The following SFI1 variants were observed in gnomAD, a reference collection of about 807,000 sequenced individuals.
The protein encoded by SFI1 is SFI1 centrin binding protein.
SFI1 carries 195 observed loss-of-function variants against 207.5 expected under a neutral mutation model. The observed-to-expected ratio is 0.94, with a 90% confidence interval of 0.84 to 1.06. SFI1 has a LOEUF of 1.06. Among genes scored for constraint, SFI1 ranks in the 50% least tolerant of loss-of-function variants. SFI1 has a pLI of 0.00. For synonymous variants in SFI1, 630 were observed against 598.9 expected (o/e 1.05, Z -0.76); for missense variants, 1,634 against 1,588.0 (o/e 1.03, Z -0.49).
At chr22:31,523,098 C>T (rs546338166) in intron 2 of SFI1, among the ~76,000 whole-genome samples, 6 of 152,206 alleles carry the variant, frequency 3.9e-5, no homozygotes, top group Non-Finnish European at 8.8e-5. Flanking sequence ...ACAAGTTTTT[C>T]TGTGGACATA....
intron 1 of SFI1, 87 bp from the exon 2 acceptor site, chr22:31,508,168 G>A: frequency 1.4e-6 from 1 of 736,132 alleles, no homozygotes. Context: ...GAGAGCAGGA[G>A]ACTAGGAGCT....
At chr22:31,602,068 G>T in intron 15 of SFI1, 144 bp from the exon 16 acceptor site, 1 of 698,172 alleles carries the variant, frequency 1.4e-6, no homozygotes, top group Non-Finnish European at 2.5e-6. Context: ...TGCAGACATG[G>T]GCCACTGTGC....
intron 12 of SFI1, 36 bp downstream of exon 12, chr22:31,580,400 G>A: frequency 6.5e-7 from 1 of 1,540,538 alleles, no homozygotes; most frequent in Non-Finnish European, 9.0e-7. Context: ...GACCTCTTCT[G>A]AAGGCCATTC....
At chr22:31,599,274 A>C (rs1191674860) in intron 15 of SFI1, among the ~76,000 whole-genome samples, 2 of 152,028 alleles carry the variant, frequency 1.3e-5, no homozygotes, top group African/African-American at 4.8e-5. Context: ...CGTAGGAGTC[A>C]AGGTTTATTT....
At position 31,530,171 on chromosome 22, in the gene SFI1, CAAAAAAAAA is replaced by C. The variant is rs1162482504; in HGVS notation, c.267-863_267-855del. 9.2e-3 allele frequency among the ~76,000 whole-genome samples: 111 copies of C among 12,100 alleles called. No individual in the cohort carries two copies. The South Asian group carries it at 0.098, about 11-fold the overall frequency. The allele number at this position is 12,100 out of a possible 152,430, so 7.9% of individuals were successfully genotyped here. On this transcript the variant is annotated intron_variant, in intron 3 of 32. Transcript: ENST00000400288. ...TGGGCGACAGAGTGAGACTCCATCT[CAAAAAAAAA>C]AAAAAAAAAAAAAAAAAAAAAAAGA...
rs78295829 is a variant in SFI1 at position 31,575,365 on chromosome 22, C to A, written c.1057C>A (p.Arg353=). The A allele has an allele frequency of 2.3e-5, 37 of 1,610,860 alleles. No homozygotes were observed. The highest frequency in any genetic ancestry group is 5.0e-5 in the Admixed American group (3 of 59,628). ...GAAACTGGCCAGGAAGATGGCCCTG[C>A]GGCGCGCCTTTACTCACTGGAAACA... ...VEKLARKMAL[R]RAFTHWKHYM... Residue 353 remains arginine (R), a synonymous_variant, in exon 10 of 33, where the codon CGG becomes AGG. Transcript: ENST00000400288.
chr22:31,591,774 G>T (rs1467579429), intron 15 of SFI1, among the ~76,000 whole-genome samples: 1 of 66,458 alleles, frequency 1.5e-5, no homozygotes, highest in African/African-American at 8.4e-5. Flanking sequence ...TGGGCGGGGG[G>T]GCTGACCCCC....
intron 1 of SFI1, among the ~76,000 whole-genome samples, chr22:31,507,719 T>C (rs572870959): frequency 6.6e-6 from 1 of 152,152 alleles, no homozygotes; most frequent in African/African-American, 2.4e-5. Context: ...AGAAGACATA[T>C]ATATGGTGAA....
chr22:31,564,417 A>G (rs912627436), intron 8 of SFI1, among the ~76,000 whole-genome samples: 3 of 151,948 alleles, frequency 2.0e-5, no homozygotes, highest in African/African-American at 7.2e-5. Flanking sequence ...ACTTGCAAAA[A>G]AAAAAAAATT....
At chr22:31,557,414 C>T (rs1487231612) in intron 7 of SFI1, among the ~76,000 whole-genome samples, 8 of 150,178 alleles carry the variant, frequency 5.3e-5, no homozygotes, top group South Asian at 4.2e-4. Context: ...GTCTTGAGTT[C>T]GTGGGCTCAA....
intron 8 of SFI1, among the ~76,000 whole-genome samples, chr22:31,563,980 T>G (rs2061992728): frequency 6.6e-6 from 1 of 152,042 alleles, no homozygotes; most frequent in Non-Finnish European, 1.5e-5. Context: ...AATTTAAAAT[T>G]AAATTTGGTA....
At chr22:31,568,161 A>C (rs866027559) in intron 8 of SFI1, among the ~76,000 whole-genome samples, 5,639 of 119,486 alleles carry the variant, frequency 0.047, 126 homozygotes, top group African/African-American at 0.073. Context: ...CTCTCTATAT[A>C]TATATGTGTG....
chr22:31,560,445 A>G (rs1467336899), intron 7 of SFI1, among the ~76,000 whole-genome samples: 1 of 132,562 alleles, frequency 7.5e-6, no homozygotes, highest in African/African-American at 2.9e-5. Context: ...TCTGTCACCC[A>G]GGCTGGAGTA....
intron 15 of SFI1, among the ~76,000 whole-genome samples, chr22:31,595,681 A>C (rs192342795): frequency 1.3e-5 from 2 of 152,312 alleles, no homozygotes; most frequent in East Asian, 3.9e-4. Flanking sequence ...CAGTGCTCAG[A>C]GCTAGTGCTG....
chr22:31,557,464 T>C (rs2061279654), intron 7 of SFI1, among the ~76,000 whole-genome samples: 1 of 152,094 alleles, frequency 6.6e-6, no homozygotes, highest in Non-Finnish European at 1.5e-5. Flanking sequence ...GCTGGGATTA[T>C]AGGCATGAGC....
At chr22:31,608,819 G>A (rs1255529429) in intron 22 of SFI1, among the ~76,000 whole-genome samples, 1 of 152,062 alleles carries the variant, frequency 6.6e-6, no homozygotes, top group Non-Finnish European at 1.5e-5. Flanking sequence ...TCGATCTCAG[G>A]AAGTCCTGCT....
intron 8 of SFI1, among the ~76,000 whole-genome samples, chr22:31,564,699 G>A (rs747310594): frequency 4.0e-5 from 6 of 150,296 alleles, no homozygotes; most frequent in African/African-American, 1.5e-4. Context: ...TTGTGGAGTC[G>A]AGGTCTCACC....
chr22:31,518,465 T>A (rs2056813747), intron 2 of SFI1, among the ~76,000 whole-genome samples: 1 of 152,172 alleles, frequency 6.6e-6, no homozygotes, highest in Non-Finnish European at 1.5e-5. Context: ...ATATAACTAT[T>A]TTTTCCTTAT....
chr22:31,564,433 A>G (rs1293359918), intron 8 of SFI1, among the ~76,000 whole-genome samples: 1 of 151,398 alleles, frequency 6.6e-6, no homozygotes, highest in Admixed American at 6.6e-5. Flanking sequence ...AAATTAGCAG[A>G]TAGCCAAGTA....
Sources: gnomAD v4.1 joint callset for allele counts (sites outside exome capture counted in the v4.1 genomes callset) on GRCh38, gnomAD v4.1.1 for gene constraint, MANE v1.5 for transcripts, NCBI Gene and HGNC (gene_info 2026-07-23, HGNC 2026-07-21) for gene names.